Variants in DAW1 observed in about 807,000 individuals in gnomAD.
DAW1 encodes the protein dynein assembly factor with WD repeats 1, also known as dynein assembly factor with WD repeat domains 1.
DAW1 carries 47 observed loss-of-function variants against 56.5 expected under a neutral mutation model. The ratio of observed to expected loss-of-function variants is 0.83; its 90% CI spans 0.66 to 1.06. The LOEUF is 1.06. Among genes scored for constraint, DAW1 ranks in the 50% least tolerant of loss-of-function variants. The probability of loss-of-function intolerance (pLI) is 0.00; values close to 1 mark genes in which losing one functional copy is unlikely to be tolerated. For missense variants in DAW1, 505 were observed against 499.3 expected (o/e 1.01, Z -0.11); for synonymous variants, 190 against 179.0 (o/e 1.06, Z -0.49).
At position 227,871,918 on chromosome 2, in the gene DAW1, A is replaced by G. The variant is rs113976723; in HGVS notation, c.40+189A>G. 3.3e-3 allele frequency among the ~76,000 whole-genome samples: 499 copies of G among 152,312 alleles called. 3 individuals are homozygous for G. The highest frequency in any genetic ancestry group is 0.011 in the African/African-American group (466 of 41,572). ...TGGACTCTTCCTCAAAACATTAACA[A>G]TTACTCTTTTAGGAATTTAAAGAGT... On this transcript the variant is annotated intron_variant, in intron 1 of 12. Coordinates refer to ENST00000309931, the MANE Select transcript of DAW1 (RefSeq NM_178821.3).
chr2:227,885,388 G>T lies in DAW1; in HGVS notation c.78G>T (p.Lys26Asn), dbSNP rs756210872. Residue 26 changes from lysine (K) to asparagine (N), a missense_variant, in exon 2 of 13, where the codon AAG becomes AAT. By Grantham distance (94) the Lys-to-Asn change is moderately conservative. Coordinates refer to ENST00000309931, the MANE Select transcript of DAW1 (RefSeq NM_178821.3). Reference sequence around the variant, plus strand: ...AATATGAAAAACATGGAGAATTAAAGACTAAGTCCATAGATTTGCTTGATC... The same window carrying T: ...AATATGAAAAACATGGAGAATTAAATACTAAGTCCATAGATTTGCTTGATC... ...MLEYEKHGELKTKSIDLLDLG... is the reference protein window; with the variant it reads ...MLEYEKHGELNTKSIDLLDLG... 6.2e-7 allele frequency: 1 copy of T among 1,602,560 alleles called. No individual in the cohort carries two copies. The highest frequency in any genetic ancestry group is 8.5e-7 in the Non-Finnish European group (1 of 1,175,834).
At chr2:227,872,995 G>A (rs1690792944) in intron 1 of DAW1, among the ~76,000 whole-genome samples, 1 of 152,088 alleles carries the variant, frequency 6.6e-6, no homozygotes, top group Non-Finnish European at 1.5e-5. Context: ...AATACGATCC[G>A]CAACCTGTGG....
chr2:227,921,611 A>C (rs776208678), intron 12 of DAW1, 50 bp downstream of exon 12: 2 of 1,569,000 alleles, frequency 1.3e-6, no homozygotes, highest in Non-Finnish European at 1.7e-6. Context: ...ATTGGCTGTT[A>C]GAGTTCCCAA....
chr2:227,891,082 A>T (rs900186569), intron 3 of DAW1, among the ~76,000 whole-genome samples, 173 bp from the exon 4 acceptor site: 1 of 152,252 alleles, frequency 6.6e-6, no homozygotes, highest in Non-Finnish European at 1.5e-5. Context: ...AGAAAATGTT[A>T]CAAATTAGTG....
chr2:227,917,130 ATCTATCTATCTATCTG>A (rs1437960435), intron 10 of DAW1, among the ~76,000 whole-genome samples: 2,140 of 143,526 alleles, frequency 0.015, 23 homozygotes, highest in Non-Finnish European at 0.019. Flanking sequence ...CTATCTATCT[ATCTATCTATCTATCTG>A]TCTGTCTGTC....
intron 1 of DAW1, among the ~76,000 whole-genome samples, chr2:227,875,367 T>C (rs938609435): frequency 6.6e-6 from 1 of 152,120 alleles, no homozygotes; most frequent in Non-Finnish European, 1.5e-5. Context: ...ACTCTTCTGC[T>C]CCAGCCCTCC....
intron 2 of DAW1, among the ~76,000 whole-genome samples, chr2:227,888,645 A>G (rs952075428): frequency 2.0e-5 from 3 of 152,212 alleles, no homozygotes; most frequent in African/African-American, 7.2e-5. Flanking sequence ...CAGGCAACAA[A>G]GCTCCAACCC....
intron 12 of DAW1, among the ~76,000 whole-genome samples, chr2:227,923,713 T>C (rs766657646): frequency 1.6e-4 from 24 of 151,806 alleles, no homozygotes; most frequent in Admixed American, 1.2e-3. Flanking sequence ...GCAGGATGCG[T>C]ACCTGCTTAA....
In DAW1 at chr2:227,889,981, A is replaced by G. The variant is rs745977746; in HGVS notation, c.239A>G (p.His80Arg). ...GAGAAACTCGGCCAGAACAGCAATC[A>G]CACGTTCTATCTTTTTAAGGTAATG... ...LQEKLGQNSN[H>R]TFYLFKVLKA... The change falls in exon 3 of 13, where the codon CAC becomes CGC. Residue 80 changes from histidine to arginine, a missense_variant. Physicochemically the swap from His to Arg is conservative, Grantham distance 29. Transcript: ENST00000309931. 8.2e-6 allele frequency: 13 copies of G among 1,593,960 alleles called. No homozygotes were observed. The highest frequency in any genetic ancestry group is 1.1e-5 in the Non-Finnish European group (13 of 1,173,156).
chr2:227,879,649 T>C (rs1690965987), intron 1 of DAW1, among the ~76,000 whole-genome samples: 1 of 151,776 alleles, frequency 6.6e-6, no homozygotes, highest in South Asian at 2.1e-4. Flanking sequence ...TCTAGAATAT[T>C]TTATATTTTA....
intron 4 of DAW1, among the ~76,000 whole-genome samples, chr2:227,891,858 A>G (rs1691273855): frequency 6.6e-6 from 1 of 152,224 alleles, no homozygotes; most frequent in Non-Finnish European, 1.5e-5. Flanking sequence ...TACACAACCA[A>G]AATGTATTGT....
At chr2:227,887,061 A>G (rs1304521907) in intron 2 of DAW1, among the ~76,000 whole-genome samples, 1 of 152,180 alleles carries the variant, frequency 6.6e-6, no homozygotes, top group Non-Finnish European at 1.5e-5. Context: ...AGTTGCTGCC[A>G]CTTGAGAGGT....
chr2:227,918,944 C>T, intron 11 of DAW1, 88 bp downstream of exon 11: 1 of 1,311,828 alleles, frequency 7.6e-7, no homozygotes, highest in Non-Finnish European at 1.1e-6. Context: ...CCTATAATCC[C>T]AGCACTTTGA....
intron 8 of DAW1, 109 bp from the exon 9 acceptor site, chr2:227,906,127 A>G: frequency 1.3e-6 from 1 of 742,478 alleles, no homozygotes. Flanking sequence ...ATTATTTTGT[A>G]AAAACCAGAT....
chr2:227,871,638 A>C lies in DAW1; in HGVS notation c.-52A>C. ...GCGCACCCGCGTCCCGCTGCTGTTT[A>C]GCCGTTTCCAAGGCTACGAAGCCCA... On this transcript the variant is annotated 5_prime_UTR_variant, in exon 1 of 13. Transcript: ENST00000309931. 1 of 1,601,456 alleles carries C rather than the reference A, an allele frequency of 6.2e-7. No individual in the cohort carries two copies.
chr2:227,907,954 T>C (rs1324999206), intron 10 of DAW1, among the ~76,000 whole-genome samples: 1 of 152,266 alleles, frequency 6.6e-6, no homozygotes, highest in Non-Finnish European at 1.5e-5. Context: ...TGTTCCGCTA[T>C]GTCTACTGCA....
At position 227,901,861 on chromosome 2, in the gene DAW1, G is replaced by A. The variant is rs191595615; in HGVS notation, c.541-1141G>A. Among the ~76,000 whole-genome samples the A allele has an allele frequency of 5.6e-4, 86 of 152,294 alleles. No individual in the cohort carries two copies. The East Asian group carries it at 0.015, about 27-fold the overall frequency. On this transcript the variant is annotated intron_variant, in intron 6 of 12. Transcript: ENST00000309931. ...AAACATATTTACAGGCCACTGAAAA[G>A]GATCTAGTCTACAGGGAAGGAAAAG... is the stretch of plus-strand genomic sequence containing the variant.
At chr2:227,912,211 A>C in intron 10 of DAW1, 1 of 402,738 alleles carries the variant, frequency 2.5e-6, no homozygotes, top group Non-Finnish European at 4.8e-6. Flanking sequence ...ATGTTATGCT[A>C]TATCTATGTC....
intron 12 of DAW1, among the ~76,000 whole-genome samples, chr2:227,922,448 C>T (rs1050363884): frequency 2.0e-5 from 3 of 152,240 alleles, no homozygotes; most frequent in South Asian, 4.1e-4. Flanking sequence ...TGGAGTGCCT[C>T]GAGGGGAGGC....
Sources: gnomAD v4.1 joint callset for allele counts (sites outside exome capture counted in the v4.1 genomes callset) on GRCh38, gnomAD v4.1.1 for gene constraint, MANE v1.5 for transcripts, NCBI Gene and HGNC (gene_info 2026-07-23, HGNC 2026-07-21) for gene names.